The following RPF1 variants were observed in gnomAD, a reference collection of about 807,000 sequenced individuals.
RPF1 encodes the protein ribosome production factor 1 homolog.
Under a neutral mutation model 41.9 loss-of-function variants are expected in RPF1, and 34 were observed. That is an observed-to-expected ratio of 0.81 (90% CI 0.62 to 1.08). The LOEUF (loss-of-function observed/expected upper bound fraction) is 1.08, where lower values mean the gene tolerates loss of function less well. RPF1 is among the 50% of genes least tolerant of loss of function. RPF1 has a pLI of 0.00. For missense variants in RPF1, 425 were observed against 435.2 expected (o/e 0.98, Z 0.21); for synonymous variants, 140 against 148.9 (o/e 0.94, Z 0.43).
chr1:84,479,389 G>A lies in RPF1; in HGVS notation c.108G>A (p.Thr36=), dbSNP rs368039697. Residue 36 remains threonine (T), a synonymous_variant, in exon 1 of 9, where the codon ACG becomes ACA. Transcript: ENST00000370654. ...CTGCAGGCGCTGGGGATGGGGCGAC[G>A]GAAAACGGGGTCCAACCCCCGAAAG... ...QEAAGAGDGA[T]ENGVQPPKAA... 6 of 1,614,066 alleles carry A rather than the reference G, an allele frequency of 3.7e-6. No homozygotes were observed. Among genetic ancestry groups the A allele is most frequent in the African/African-American group, 1.3e-5 (1 of 74,948 alleles).
intron 2 of RPF1, 76 bp downstream of exon 2, chr1:84,481,088 T>C: frequency 1.2e-6 from 1 of 801,462 alleles, no homozygotes; most frequent in African/African-American, 1.8e-5. Flanking sequence ...TGAATTACTT[T>C]CTTTTAAAAT....
chr1:84,495,777 C>T (rs896822774), intron 6 of RPF1, 105 bp from the exon 7 acceptor site: 7 of 705,938 alleles, frequency 9.9e-6, no homozygotes, highest in African/African-American at 7.2e-5. Context: ...CTAAAAAATA[C>T]ATTTTGCAAA....
intron 8 of RPF1, among the ~76,000 whole-genome samples, 185 bp downstream of exon 8, chr1:84,496,555 T>A (rs981319658): frequency 4.6e-5 from 6 of 129,566 alleles, no homozygotes; most frequent in Admixed American, 2.4e-4. Context: ...CCTGCACATA[T>A]ACCCTTGAAC....
At chr1:84,488,586 G>A (rs1570348733) in intron 3 of RPF1, among the ~76,000 whole-genome samples, 1 of 152,134 alleles carries the variant, frequency 6.6e-6, no homozygotes, top group East Asian at 1.9e-4. Flanking sequence ...CTAGCCTAAT[G>A]TCAAATAAAT....
chr1:84,491,489 T>C (rs1681834735), intron 5 of RPF1, among the ~76,000 whole-genome samples: 1 of 152,246 alleles, frequency 6.6e-6, no homozygotes, highest in South Asian at 2.1e-4. Context: ...TATCCACTTG[T>C]ACTAGTAGCT....
At chr1:84,481,870 A>T (rs7537818) in intron 2 of RPF1, among the ~76,000 whole-genome samples, 70,561 of 152,090 alleles carry the variant, frequency 0.46, 18,252 homozygotes, top group African/African-American at 0.7. Flanking sequence ...ATGTAAAGAC[A>T]GTATACAAAC....
intron 1 of RPF1, 49 bp downstream of exon 1, chr1:84,479,558 C>G (rs751017716): frequency 6.4e-7 from 1 of 1,561,972 alleles, no homozygotes; most frequent in Non-Finnish European, 8.8e-7. Context: ...GTTCCTGACG[C>G]TTAGGGCGGT....
At chr1:84,490,554 T>C (rs753623463) in intron 5 of RPF1, 82 bp downstream of exon 5, 29 of 971,010 alleles carry the variant, frequency 3.0e-5, no homozygotes, top group Admixed American at 5.5e-5. Context: ...TAAGGAAATA[T>C]TGCCTATAAC....
chr1:84,495,549 A>G (rs1402786906), intron 6 of RPF1, 94 bp downstream of exon 6: 2 of 639,442 alleles, frequency 3.1e-6, no homozygotes, highest in South Asian at 2.2e-5. Context: ...ATTTATTTTA[A>G]TAATGGCATT....
rs775819970 is a variant in RPF1, at chr1:84,489,660, T to C, written c.394T>C (p.Phe132Leu). ...EVAYDEATDE[F>L]ASYFNKQTSP... ...CGCTTATGATGAAGCTACAGATGAATTTGCTTCTTACTTCAACAAACAGAC... is the reference window on the plus strand; with the variant it reads ...CGCTTATGATGAAGCTACAGATGAACTTGCTTCTTACTTCAACAAACAGAC... The change falls in exon 4 of 9, where the codon TTT (phenylalanine) becomes CTT (leucine). Residue 132 changes from phenylalanine to leucine, a missense_variant. Transcript: ENST00000370654. The C allele has an allele frequency of 2.5e-5, 41 of 1,608,026 alleles. No individual in the cohort carries two copies. In the South Asian group the frequency reaches 4.4e-4, roughly 17 times the overall value.
intron 8 of RPF1, among the ~76,000 whole-genome samples, chr1:84,496,883 T>C (rs1453193565): frequency 6.6e-6 from 1 of 152,146 alleles, no homozygotes; most frequent in Non-Finnish European, 1.5e-5. Flanking sequence ...GTTGTTTTGT[T>C]TTTTTTGAGA....
At chr1:84,491,603 C>A (rs908283377) in intron 5 of RPF1, among the ~76,000 whole-genome samples, 13 of 152,160 alleles carry the variant, frequency 8.5e-5, no homozygotes, top group African/African-American at 2.9e-4. Context: ...CTCTTGAATA[C>A]TTAACTACTC....
intron 3 of RPF1, 66 bp downstream of exon 3, chr1:84,483,061 G>A (rs1050202558): frequency 2.8e-6 from 3 of 1,090,294 alleles, no homozygotes; most frequent in African/African-American, 1.6e-5. Flanking sequence ...ATGTTTTTTT[G>A]TTGATATTTA....
intron 1 of RPF1, among the ~76,000 whole-genome samples, 161 bp downstream of exon 1, chr1:84,479,670 C>T (rs983297955): frequency 5.9e-5 from 9 of 152,150 alleles, no homozygotes; most frequent in Admixed American, 2.6e-4. Context: ...TCCCCTCGCC[C>T]TAGTTTGGAG....
In RPF1 at chr1:84,497,527, AATT is replaced by A. The variant is rs1681964159; in HGVS notation, c.*61_*63del. 1 of 1,317,010 alleles carries A rather than the reference AATT, an allele frequency of 7.6e-7. No homozygotes were observed. The highest frequency in any genetic ancestry group is 2.1e-5 in the Admixed American group (1 of 47,562). The allele number at this position is 1,317,010 out of a possible 1,614,324, so 81.6% of individuals were successfully genotyped here. A position where few individuals can be genotyped will look rare whatever the true frequency, so the allele number is the denominator to read the frequency against. On this transcript the variant is annotated 3_prime_UTR_variant, in exon 9 of 9. Coordinates refer to ENST00000370654, the MANE Select transcript of RPF1 (RefSeq NM_025065.7). ...AACAGGCCTATCTTGAACTTTGGTAAATTATTTTTGACAGAATACTCTTTTCAA... is the reference window on the plus strand; with the variant it reads ...AACAGGCCTATCTTGAACTTTGGTAAATTTTTGACAGAATACTCTTTTCAA...
In RPF1 at chr1:84,481,271, A is replaced by G. The variant is rs1400649043; in HGVS notation, c.285+259A>G. The stretch of plus-strand genomic sequence containing the variant: ...ATAACCACTCGTGAAATTTTTGATT[A>G]TTTTTTCCATGCACTTCTTTTACCT... On this transcript the variant is annotated intron_variant, in intron 2 of 8. Coordinates refer to ENST00000370654, the MANE Select transcript of RPF1 (RefSeq NM_025065.7). 2.0e-5 allele frequency among the ~76,000 whole-genome samples: 3 copies of G among 152,052 alleles called. No homozygotes were observed. In the East Asian group the frequency reaches 5.8e-4, roughly 29 times the overall value.
intron 3 of RPF1, among the ~76,000 whole-genome samples, chr1:84,484,693 T>C (rs1188454726): frequency 6.6e-6 from 1 of 151,938 alleles, no homozygotes; most frequent in Middle Eastern, 3.2e-3. Context: ...CTTTTTTTTT[T>C]TTTTTTCTCC....
rs1190739088 is a variant in RPF1, at chr1:84,495,868, CATT to C, written c.700-10_700-8del. The C allele has an allele frequency of 5.3e-6, 8 of 1,517,220 alleles. No homozygotes were observed. The Admixed American group carries it at 1.4e-4, about 27-fold the overall frequency. 94.0% of individuals were successfully genotyped at this position (1,517,220 alleles called of 1,614,324 possible). A position where few individuals can be genotyped will look rare whatever the true frequency, so the allele number is the denominator to read the frequency against. ...TTAGCCCATTGTGATATTTATTTTT[CATT>C]ATTTTTCTAGAGAAGAGGCAAGGAC... is the stretch of plus-strand genomic sequence containing the variant. On this transcript the variant is annotated splice_polypyrimidine_tract_variant and intron_variant, in intron 6 of 8. Transcript: ENST00000370654.
At position 84,496,566 on chromosome 1, in the gene RPF1, T is replaced by TA. The variant is rs34913814; in HGVS notation, c.1008+214dup. ...ACATCCTGCACATATACCCTTGAAC[T>TA]AAAAAAAAAAAAAAAAAAGATACAA... On this transcript the variant is annotated intron_variant, in intron 8 of 8. Coordinates refer to ENST00000370654, the MANE Select transcript of RPF1 (RefSeq NM_025065.7). 5.3e-3 allele frequency among the ~76,000 whole-genome samples: 694 copies of TA among 131,850 alleles called. 6 individuals carry two copies. The highest frequency in any genetic ancestry group is 0.018 in the African/African-American group (603 of 34,064). 86.5% of individuals were successfully genotyped at this position (131,850 alleles called of 152,430 possible). A position where few individuals can be genotyped will look rare whatever the true frequency, so the allele number is the denominator to read the frequency against.
Sources: allele counts gnomAD v4.1 joint callset (sites outside exome capture counted in the v4.1 genomes callset), GRCh38; gene constraint gnomAD v4.1.1; transcripts MANE v1.5; gene names NCBI Gene and HGNC (gene_info 2026-07-23, HGNC 2026-07-21).